Variants in ZBBX observed in about 807,000 individuals in gnomAD.
ZBBX encodes the protein zinc finger B-box domain-containing protein 1.
A neutral mutation model predicts 108.5 loss-of-function variants in ZBBX; 101 were observed. The ratio of observed to expected loss-of-function variants is 0.93; its 90% CI spans 0.79 to 1.10. The LOEUF (loss-of-function observed/expected upper bound fraction) is 1.10. ZBBX is among the 50% of genes least tolerant of loss of function. The pLI is 0.00. For synonymous variants in ZBBX, 356 were observed against 323.4 expected, an observed-to-expected ratio of 1.10 and a Z score of -1.08; for missense variants, 1,009 against 941.4, an observed-to-expected ratio of 1.07 and a Z score of -0.94.
At chr3:167,245,273 C>A (rs1352869793) in intron 20 of ZBBX, among the ~76,000 whole-genome samples, 3 of 152,222 alleles carry the variant, frequency 2.0e-5, no homozygotes, top group South Asian at 2.1e-4. Flanking sequence ...ATTAGCCGGG[C>A]ATGGTAGCGG....
chr3:167,199,280 G>A, the ZBBX span, among the ~76,000 whole-genome samples: 60 of 152,130 alleles, frequency 3.9e-4, no homozygotes, highest in Non-Finnish European at 5.9e-5. Flanking sequence ...TGTTGGTTGA[G>A]GGTCACTGCA....
At chr3:167,195,274 T>G in the ZBBX span, among the ~76,000 whole-genome samples, 3 of 152,146 alleles carry the variant, frequency 2.0e-5, no homozygotes, top group African/African-American at 7.2e-5. Flanking sequence ...CTCTGATGGT[T>G]TTTTTCTCAG....
chr3:167,312,274 T>C (rs923430721), intron 16 of ZBBX, among the ~76,000 whole-genome samples: 13 of 152,174 alleles, frequency 8.5e-5, no homozygotes, highest in African/African-American at 3.1e-4. Context: ...TGCCAGGAGT[T>C]GGTCAGAGAG....
chr3:167,233,746 G>A, the ZBBX span, among the ~76,000 whole-genome samples: 1 of 150,116 alleles, frequency 6.7e-6, no homozygotes, highest in Non-Finnish European at 1.5e-5. Flanking sequence ...GTTATTTCTT[G>A]GAATAGTTTC....
chr3:167,323,243 G>GT (rs986142799), intron 11 of ZBBX, among the ~76,000 whole-genome samples: 1 of 144,606 alleles, frequency 6.9e-6, no homozygotes, highest in Non-Finnish European at 1.5e-5. Context: ...AAAAGAGGGG[G>GT]GGGGGGGAAA....
At chr3:167,362,387 G>T (rs1424683830) in intron 6 of ZBBX, among the ~76,000 whole-genome samples, 1 of 151,984 alleles carries the variant, frequency 6.6e-6, no homozygotes, top group Admixed American at 6.6e-5. Flanking sequence ...GTCAGAATAT[G>T]CTGTCATCAT....
At chr3:167,238,274 T>A (rs937926624), downstream of ZBBX, among the ~76,000 whole-genome samples, 3 of 152,060 alleles carry the variant, frequency 2.0e-5, no homozygotes, top group Non-Finnish European at 4.4e-5. Context: ...GACTCACTGT[T>A]GTCTGTCTAT....
the ZBBX span, among the ~76,000 whole-genome samples, chr3:167,210,458 G>T: frequency 6.6e-6 from 1 of 152,088 alleles, no homozygotes; most frequent in Admixed American, 6.6e-5. Flanking sequence ...TGACTTACAG[G>T]GGAGCTAGAG....
the ZBBX span, among the ~76,000 whole-genome samples, chr3:167,207,702 T>G: frequency 1.3e-5 from 2 of 152,112 alleles, no homozygotes; most frequent in Non-Finnish European, 2.9e-5. Context: ...CTAAAAAATT[T>G]AATCTCATAG....
intron 1 of ZBBX, among the ~76,000 whole-genome samples, chr3:167,385,591 C>A (rs192231850): frequency 1.3e-5 from 2 of 151,956 alleles, no homozygotes; most frequent in African/African-American, 2.4e-5. Context: ...AATGACAACT[C>A]AAAACAAACA....
At chr3:167,191,934 T>TAGAGAGAGAGAGAGAG in the ZBBX span, among the ~76,000 whole-genome samples, 12 of 130,220 alleles carry the variant, frequency 9.2e-5, no homozygotes, top group African/African-American at 3.6e-4. Context: ...TATATATATA[T>TAGAGAGAGAGAGAGAG]AGAGCAAGTT....
chr3:167,287,645 G>C (rs1320611554), intron 19 of ZBBX, among the ~76,000 whole-genome samples: 2 of 152,018 alleles, frequency 1.3e-5, no homozygotes. Context: ...TTGTAGATTT[G>C]TCTTTGTAAT....
At chr3:167,192,149 T>G in the ZBBX span, among the ~76,000 whole-genome samples, 5 of 151,930 alleles carry the variant, frequency 3.3e-5, no homozygotes, top group East Asian at 7.8e-4. Context: ...TTGCACATAT[T>G]TATAGTACTA....
chr3:167,319,972 A>G (rs1736142715), intron 12 of ZBBX, among the ~76,000 whole-genome samples: 1 of 151,798 alleles, frequency 6.6e-6, no homozygotes, highest in South Asian at 2.1e-4. Context: ...GGATAGATAC[A>G]GAAAAAAATT....
At chr3:167,318,065 G>A (rs913400186) in intron 12 of ZBBX, among the ~76,000 whole-genome samples, 2 of 151,916 alleles carry the variant, frequency 1.3e-5, no homozygotes, top group Admixed American at 6.6e-5. Flanking sequence ...AAAATGTAAG[G>A]TGTTCAGGCT....
the ZBBX span, among the ~76,000 whole-genome samples, chr3:167,210,238 G>C: frequency 6.6e-6 from 1 of 152,012 alleles, no homozygotes; most frequent in Non-Finnish European, 1.5e-5. Context: ...AGAAATTATG[G>C]AGTTGAAAAA....
chr3:167,337,793 G>A (rs548450062), intron 9 of ZBBX, among the ~76,000 whole-genome samples: 1 of 152,044 alleles, frequency 6.6e-6, no homozygotes, highest in South Asian at 2.1e-4. Flanking sequence ...TAACAACAAT[G>A]AATAAGAATA....
intron 9 of ZBBX, among the ~76,000 whole-genome samples, chr3:167,344,527 A>G (rs1741109356): frequency 6.6e-6 from 1 of 151,732 alleles, no homozygotes; most frequent in African/African-American, 2.4e-5. Context: ...GTGTTAACTA[A>G]ACCTTTAAAA....
At position 167,359,903 on chromosome 3, in the gene ZBBX, T is replaced by A. The variant is rs4257551; in HGVS notation, c.399A>T (p.Val133=). ...CAGCTTTGTTCTCACACTGTCCACA[T>A]ACTTTCCCATTTATCTTGGGTTTTT... ...ECEKPKINGK[V]CGQCENKAAL... is the part of the protein sequence containing the mutation. Residue 133 remains valine (V), a synonymous_variant, in exon 8 of 22, where the codon GTA becomes GTT. Transcript: ENST00000675490. 1,555,541 of 1,562,872 alleles carry A rather than the reference T, an allele frequency of 1. 774,128 individuals are homozygous for A. Among genetic ancestry groups the A allele is most frequent in the Middle Eastern group, 1 (5,890 of 5,890 alleles).
Sources: allele counts gnomAD v4.1 joint callset (sites outside exome capture counted in the v4.1 genomes callset), GRCh38; gene constraint gnomAD v4.1.1; transcripts MANE v1.5; gene names NCBI Gene and HGNC (gene_info 2026-07-23, HGNC 2026-07-21).